The following STAU2 variants were observed in gnomAD, a reference collection of about 807,000 sequenced individuals.
STAU2 encodes the protein staufen double-stranded RNA binding protein 2.
In STAU2, 20 loss-of-function variants were observed where a neutral mutation model predicts 65.9. The ratio of observed to expected loss-of-function variants is 0.30; its 90% CI spans 0.21 to 0.44. The LOEUF (loss-of-function observed/expected upper bound fraction) is 0.44. Among genes scored for constraint, STAU2 ranks in the 20% least tolerant of loss-of-function variants. The probability of loss-of-function intolerance (pLI) is 1.00; values close to 1 mark genes in which losing one functional copy is unlikely to be tolerated. For synonymous variants in STAU2, 232 were observed against 233.9 expected (o/e 0.99, Z 0.07); for missense variants, 558 against 683.9 (o/e 0.82, Z 2.05).
At chr8:73,648,662 AC>A (rs1189936649) in intron 6 of STAU2, among the ~76,000 whole-genome samples, 2 of 152,202 alleles carry the variant, frequency 1.3e-5, no homozygotes, top group Admixed American at 1.3e-4. Context: ...TACAAAAAAT[AC>A]CCAACATGCA....
chr8:73,592,988 A>AC (rs546686197), intron 11 of STAU2, among the ~76,000 whole-genome samples: 15 of 152,228 alleles, frequency 9.9e-5, no homozygotes, highest in African/African-American at 3.6e-4. Flanking sequence ...TCTGACTACC[A>AC]CCTAGCAGTC....
intron 3 of STAU2, among the ~76,000 whole-genome samples, chr8:73,711,798 G>A (rs1213342508): frequency 6.6e-6 from 1 of 152,050 alleles, no homozygotes; most frequent in Non-Finnish European, 1.5e-5. Flanking sequence ...ATTTTAATGG[G>A]TGACTGAAGT....
At chr8:73,554,112 T>G (rs777638905) in intron 12 of STAU2, among the ~76,000 whole-genome samples, 2 of 152,192 alleles carry the variant, frequency 1.3e-5, no homozygotes, top group African/African-American at 2.4e-5. Flanking sequence ...CTTTCTTTGT[T>G]CTTGGCAGTC....
At chr8:73,598,588 A>C (rs186442792) in intron 10 of STAU2, among the ~76,000 whole-genome samples, 1 of 152,314 alleles carries the variant, frequency 6.6e-6, no homozygotes, top group East Asian at 1.9e-4. Context: ...AAACCTCAGG[A>C]AACACTGTAC....
intron 13 of STAU2, among the ~76,000 whole-genome samples, chr8:73,484,719 G>C (rs998704913): frequency 2.0e-5 from 3 of 151,992 alleles, no homozygotes; most frequent in Non-Finnish European, 4.4e-5. Context: ...TAGAAGAAAT[G>C]ACCAGCCTGT....
chr8:73,519,241 G>A (rs368486680), intron 13 of STAU2, among the ~76,000 whole-genome samples: 1 of 152,084 alleles, frequency 6.6e-6, no homozygotes, highest in Non-Finnish European at 1.5e-5. Context: ...TGACCCCTAG[G>A]ATGAAGACAT....
chr8:73,712,156 G>T (rs1454160768), intron 3 of STAU2, among the ~76,000 whole-genome samples: 1 of 152,144 alleles, frequency 6.6e-6, no homozygotes, highest in Non-Finnish European at 1.5e-5. Context: ...TGTTACACAG[G>T]TATGCATTTT....
chr8:73,657,072 A>G (rs1320466534), intron 6 of STAU2, among the ~76,000 whole-genome samples: 1 of 152,260 alleles, frequency 6.6e-6, no homozygotes, highest in Non-Finnish European at 1.5e-5. Flanking sequence ...AGCCACCTGA[A>G]GCCAAAAACT....
intron 6 of STAU2, among the ~76,000 whole-genome samples, chr8:73,645,209 T>C (rs912826316): frequency 1.3e-5 from 2 of 152,312 alleles, no homozygotes; most frequent in East Asian, 3.8e-4. Flanking sequence ...TATTAGCAAG[T>C]AGAATTTAGC....
chr8:73,708,516 G>A (rs1183148072), intron 4 of STAU2, among the ~76,000 whole-genome samples: 3 of 152,112 alleles, frequency 2.0e-5, no homozygotes, highest in Non-Finnish European at 2.9e-5. Flanking sequence ...ATAAGTGAAT[G>A]CAGAGATAAT....
rs540172254 is a variant in STAU2, at chr8:73,591,445, T to C, written c.1161+3721A>G. 8.3e-4 allele frequency among the ~76,000 whole-genome samples: 126 copies of C among 152,214 alleles called. 1 individual carries two copies. The highest frequency in any genetic ancestry group is 2.9e-3 in the African/African-American group (120 of 41,550). ...AGGGCAAAGTTTGTCAAATTAAATT[T>C]TAAAGAACAAGACCCAATTATATGC... On this transcript the variant is annotated intron_variant, in intron 11 of 14. Transcript: ENST00000524300.
At chr8:73,610,285 A>C (rs1022941002) in intron 9 of STAU2, among the ~76,000 whole-genome samples, 1 of 151,410 alleles carries the variant, frequency 6.6e-6, no homozygotes, top group African/African-American at 2.4e-5. Context: ...AAAAAAAAAA[A>C]AACAACTCTG....
chr8:73,431,680 T>C (rs185727242), intron 13 of STAU2, among the ~76,000 whole-genome samples: 42 of 152,360 alleles, frequency 2.8e-4, no homozygotes, highest in African/African-American at 9.6e-4. Context: ...TACGTAGTTA[T>C]AGCAATGGAG....
chr8:73,538,667 A>G (rs1806335067), intron 13 of STAU2, among the ~76,000 whole-genome samples: 1 of 147,254 alleles, frequency 6.8e-6, no homozygotes, highest in Non-Finnish European at 1.5e-5. Flanking sequence ...TCCTTAAGTC[A>G]GAGTTTTAGA....
chr8:73,564,051 A>AGCATAGCTTAGTGCC (rs1447855601), intron 12 of STAU2, among the ~76,000 whole-genome samples: 4 of 152,318 alleles, frequency 2.6e-5, no homozygotes, highest in South Asian at 2.1e-4. Context: ...CCCCTAAGTC[A>AGCATAGCTTAGTGCC]GCATAGCTTA....
chr8:73,716,199 C>T (rs1821239307), intron 3 of STAU2, among the ~76,000 whole-genome samples: 1 of 152,038 alleles, frequency 6.6e-6, no homozygotes, highest in South Asian at 2.1e-4. Flanking sequence ...CGCCATTCTC[C>T]TGCCTCAGCC....
chr8:73,605,878 TACACACACACACACACAC>T (rs58486426), intron 9 of STAU2, among the ~76,000 whole-genome samples: 224 of 117,840 alleles, frequency 1.9e-3, no homozygotes, highest in African/African-American at 5.8e-3. Flanking sequence ...CACACACACA[TACACACACACACACACAC>T]ACACACACAC....
intron 5 of STAU2, among the ~76,000 whole-genome samples, chr8:73,686,885 GTTTCTTTCTTTTT>G (rs1436884437): frequency 7.0e-6 from 1 of 143,188 alleles, no homozygotes; most frequent in Non-Finnish European, 1.5e-5. Flanking sequence ...TTGTGATGGG[GTTTCTTTCTTTTT>G]TTTTTTTCTT....
At chr8:73,593,386 GTT>G (rs199980597) in intron 11 of STAU2, among the ~76,000 whole-genome samples, 1,917 of 152,302 alleles carry the variant, frequency 0.013, 21 homozygotes, top group Middle Eastern at 0.051. Flanking sequence ...TCATCCTCTA[GTT>G]TTGTTATATG....
Sources: gnomAD v4.1 joint callset for allele counts (sites outside exome capture counted in the v4.1 genomes callset) on GRCh38, gnomAD v4.1.1 for gene constraint, MANE v1.5 for transcripts, NCBI Gene and HGNC (gene_info 2026-07-23, HGNC 2026-07-21) for gene names.